Variants in NEK7 observed in about 807,000 individuals in gnomAD.
NEK7 encodes the protein serine/threonine-protein kinase Nek7.
In NEK7, 18 loss-of-function variants were observed where a neutral mutation model predicts 44.6. The observed-to-expected ratio is 0.40, with a 90% confidence interval of 0.28 to 0.60. The LOEUF is 0.60. Among genes scored for constraint, NEK7 ranks in the 20% least tolerant of loss-of-function variants. The pLI, the probability that NEK7 is intolerant of heterozygous loss-of-function variation, is 0.38. For missense variants in NEK7, 256 were observed against 366.5 expected, an observed-to-expected ratio of 0.70 and a Z score of 2.46; for synonymous variants, 130 against 121.1, an observed-to-expected ratio of 1.07 and a Z score of -0.48.
At chr1:198,271,905 T>TTATATATATATA (rs34354855) in intron 5 of NEK7, among the ~76,000 whole-genome samples, 15 of 141,398 alleles carry the variant, frequency 1.1e-4, no homozygotes, top group East Asian at 4.3e-4. Flanking sequence ...AATTTATATT[T>TTATATATATATA]TATATATATA....
chr1:198,165,677 C>T (rs1256843415), intron 1 of NEK7, among the ~76,000 whole-genome samples: 2 of 152,256 alleles, frequency 1.3e-5, no homozygotes, highest in East Asian at 3.9e-4. Context: ...TAGCATAATT[C>T]TTAAGGGCCC....
At chr1:198,208,281 C>T (rs1665656165) in intron 1 of NEK7, among the ~76,000 whole-genome samples, 1 of 152,168 alleles carries the variant, frequency 6.6e-6, no homozygotes, top group Non-Finnish European at 1.5e-5. Context: ...ATGTTATCTT[C>T]CTTCAGATAA....
intron 1 of NEK7, among the ~76,000 whole-genome samples, chr1:198,165,237 T>G (rs1021275437): frequency 6.6e-6 from 1 of 152,256 alleles, no homozygotes; most frequent in Non-Finnish European, 1.5e-5. Flanking sequence ...ATTGATATTT[T>G]GACTTCCTCC....
intron 1 of NEK7, among the ~76,000 whole-genome samples, chr1:198,210,059 A>G (rs1665718715): frequency 6.6e-6 from 1 of 152,128 alleles, no homozygotes; most frequent in South Asian, 2.1e-4. Context: ...GGGCCTCCCA[A>G]GGTGCTAGGA....
At chr1:198,232,123 A>G (rs1376478346) in intron 1 of NEK7, among the ~76,000 whole-genome samples, 1 of 152,148 alleles carries the variant, frequency 6.6e-6, no homozygotes, top group Non-Finnish European at 1.5e-5. Flanking sequence ...AAAAAATCAC[A>G]GTAAGCAGTT....
At chr1:198,318,775 A>G (rs768389300) in intron 9 of NEK7, among the ~76,000 whole-genome samples, 11 of 152,124 alleles carry the variant, frequency 7.2e-5, no homozygotes, top group Non-Finnish European at 1.3e-4. Context: ...TTATTCTATG[A>G]TATAAATAGA....
At chr1:198,269,666 CT>C (rs1235182721) in intron 5 of NEK7, among the ~76,000 whole-genome samples, 2 of 152,058 alleles carry the variant, frequency 1.3e-5, no homozygotes, top group African/African-American at 4.8e-5. Context: ...AATATAGCTT[CT>C]GGTCTGTATT....
intron 9 of NEK7, among the ~76,000 whole-genome samples, chr1:198,306,904 A>G (rs189175885): frequency 6.6e-6 from 1 of 152,268 alleles, no homozygotes; most frequent in East Asian, 1.9e-4. Context: ...ACCAAGGAAG[A>G]TTACATCAAA....
chr1:198,164,766 C>T (rs1664215946), intron 1 of NEK7, among the ~76,000 whole-genome samples: 1 of 152,094 alleles, frequency 6.6e-6, no homozygotes. Context: ...GTGGCTGTGT[C>T]GTTTTCTTAA....
chr1:198,247,699 A>G (rs1396388981), intron 2 of NEK7, among the ~76,000 whole-genome samples: 1 of 152,032 alleles, frequency 6.6e-6, no homozygotes, highest in African/African-American at 2.4e-5. Flanking sequence ...ACAATGTACA[A>G]TAACAAATTA....
intron 1 of NEK7, among the ~76,000 whole-genome samples, chr1:198,187,140 T>C (rs753948473): frequency 1.8e-4 from 28 of 152,214 alleles, no homozygotes; most frequent in Non-Finnish European, 4.0e-4. Context: ...GGAAAAGTAC[T>C]TGCACTGCTA....
chr1:198,236,841 TAA>T (rs1172018718), intron 2 of NEK7, among the ~76,000 whole-genome samples: 5 of 152,206 alleles, frequency 3.3e-5, no homozygotes, highest in African/African-American at 1.2e-4. Context: ...TTAAACAGTC[TAA>T]GTTACTCTTC....
chr1:198,169,123 A>T (rs575842271), intron 1 of NEK7, among the ~76,000 whole-genome samples: 44 of 152,326 alleles, frequency 2.9e-4, no homozygotes, highest in African/African-American at 8.2e-4. Flanking sequence ...GTTAGTTTTT[A>T]AAAAAATCTA....
rs144307225 is a variant in NEK7 at position 198,246,262 on chromosome 1, A to G, written c.58-6778A>G. Reference sequence around the variant, plus strand: ...GGCAAAGAGACCCAAGGGTAGTTGGAGATGTGCAGCTATGCTCCTTCTCAT... The same window carrying G: ...GGCAAAGAGACCCAAGGGTAGTTGGGGATGTGCAGCTATGCTCCTTCTCAT... On this transcript the variant is annotated intron_variant, in intron 2 of 9. Transcript: ENST00000367385. Among the ~76,000 whole-genome samples, 295 of 152,308 alleles carry G rather than the reference A, an allele frequency of 1.9e-3. 8 individuals are homozygous for G. In the East Asian group the frequency reaches 0.046, roughly 24 times the overall value.
intron 1 of NEK7, among the ~76,000 whole-genome samples, chr1:198,200,444 T>C (rs1665393290): frequency 1.3e-5 from 2 of 152,326 alleles, no homozygotes; most frequent in South Asian, 4.1e-4. Context: ...TTTTTTATTA[T>C]GAGCATATCT....
chr1:198,232,454 A>G (rs915231102), intron 1 of NEK7, 99 bp from the exon 2 acceptor site: 2 of 602,222 alleles, frequency 3.3e-6, no homozygotes, highest in East Asian at 6.0e-5. Flanking sequence ...TGAAGCATCA[A>G]GTAAATCTCT....
intron 1 of NEK7, among the ~76,000 whole-genome samples, chr1:198,218,712 GA>G (rs1169514064): frequency 1.4e-5 from 2 of 143,240 alleles, no homozygotes; most frequent in African/African-American, 2.6e-5. Flanking sequence ...AAATCAGCAA[GA>G]AAAAAATCCA....
chr1:198,198,060 GAAGA>G, intron 1 of NEK7: 1 of 1,463,620 alleles, frequency 6.8e-7, no homozygotes, highest in Non-Finnish European at 9.1e-7. Context: ...CCTGGGAGAG[GAAGA>G]AAGGGGCCTT....
At chr1:198,242,335 C>T (rs1313321038) in intron 2 of NEK7, among the ~76,000 whole-genome samples, 1 of 151,962 alleles carries the variant, frequency 6.6e-6, no homozygotes, top group African/African-American at 2.4e-5. Flanking sequence ...GACCCCCTTA[C>T]TCCTTACTCT....
Sources: gnomAD v4.1 joint callset for allele counts (sites outside exome capture counted in the v4.1 genomes callset) on GRCh38, gnomAD v4.1.1 for gene constraint, MANE v1.5 for transcripts, NCBI Gene and HGNC (gene_info 2026-07-23, HGNC 2026-07-21) for gene names.